Variants in RAB31 observed in about 807,000 individuals in gnomAD.
The protein encoded by RAB31 is RAB31, member RAS oncogene family.
In RAB31, 21 loss-of-function variants were observed where a neutral mutation model predicts 25.6. The observed-to-expected ratio is 0.82, with a 90% CI of 0.58 to 1.18. The LOEUF is 1.18. Ranked by LOEUF, RAB31 falls within the 50% of genes most tolerant of loss-of-function variation. RAB31 has a pLI of 0.00. For synonymous variants in RAB31, 87 were observed against 84.0 expected, an observed-to-expected ratio of 1.04 and a Z score of -0.20; for missense variants, 196 against 250.1, an observed-to-expected ratio of 0.78 and a Z score of 1.46.
At chr18:9,833,041 G>A (rs915796632) in intron 5 of RAB31, among the ~76,000 whole-genome samples, 8 of 152,100 alleles carry the variant, frequency 5.3e-5, no homozygotes, top group Non-Finnish European at 2.9e-5. Flanking sequence ...CAGAGACTTC[G>A]AAAGGTGCAC....
At chr18:9,848,229 TCTGTCCATCTGTCCACTTGG>T (rs1352368578) in intron 6 of RAB31, among the ~76,000 whole-genome samples, 6 of 152,210 alleles carry the variant, frequency 3.9e-5, no homozygotes, top group Non-Finnish European at 8.8e-5. Context: ...CCTCCATCTG[TCTGTCCATCTGTCCACTTGG>T]CTGTCTATCT....
At chr18:9,717,927 G>A (rs1484454391) in intron 1 of RAB31, among the ~76,000 whole-genome samples, 3 of 151,934 alleles carry the variant, frequency 2.0e-5, no homozygotes, top group South Asian at 2.1e-4. Context: ...TTTTGAGACC[G>A]GGTCTTGCCC....
intron 6 of RAB31, among the ~76,000 whole-genome samples, chr18:9,858,756 A>C (rs1164732318): frequency 6.6e-6 from 1 of 152,248 alleles, no homozygotes; most frequent in Admixed American, 6.5e-5. Context: ...TGACACTGCT[A>C]GGAAGATTAC....
chr18:9,791,725 C>T (rs1320839250), intron 2 of RAB31, among the ~76,000 whole-genome samples: 1 of 152,186 alleles, frequency 6.6e-6, no homozygotes, highest in African/African-American at 2.4e-5. Context: ...TCCCAAGTAG[C>T]TGGGACCGCA....
chr18:9,857,640 T>TATAG (rs369031976), intron 6 of RAB31, among the ~76,000 whole-genome samples: 24,608 of 127,752 alleles, frequency 0.19, 3,106 homozygotes, highest in Non-Finnish European at 0.23. Flanking sequence ...TAGCCAATAA[T>TATAG]ATAGATAGAT....
intron 1 of RAB31, among the ~76,000 whole-genome samples, chr18:9,711,560 G>A (rs2068017394): frequency 6.6e-6 from 1 of 152,156 alleles, no homozygotes; most frequent in Admixed American, 6.5e-5. Context: ...TATTTTTGTA[G>A]AGATGGGGTC....
At chr18:9,739,478 A>C (rs1050243596) in intron 1 of RAB31, among the ~76,000 whole-genome samples, 1 of 152,204 alleles carries the variant, frequency 6.6e-6, no homozygotes, top group African/African-American at 2.4e-5. Flanking sequence ...TCTCAAAAAA[A>C]AGAATTTGTA....
intron 1 of RAB31, among the ~76,000 whole-genome samples, chr18:9,762,053 C>T (rs1437126633): frequency 6.6e-6 from 1 of 152,150 alleles, no homozygotes; most frequent in East Asian, 1.9e-4. Flanking sequence ...GGTGATCCAC[C>T]TGCCTCGGCC....
intron 6 of RAB31, among the ~76,000 whole-genome samples, chr18:9,858,239 G>C (rs555432409): frequency 6.6e-6 from 1 of 152,134 alleles, no homozygotes; most frequent in Non-Finnish European, 1.5e-5. Flanking sequence ...TCAAGTTCTC[G>C]AGTCACAGTG....
At chr18:9,792,709 C>T (rs2068467172) in intron 3 of RAB31, among the ~76,000 whole-genome samples, 1 of 152,162 alleles carries the variant, frequency 6.6e-6, no homozygotes, top group Admixed American at 6.5e-5. Context: ...GCCCCATGCC[C>T]ACTCCTGAAC....
chr18:9,829,773 T>G (rs2068668077), intron 5 of RAB31, among the ~76,000 whole-genome samples: 1 of 152,202 alleles, frequency 6.6e-6, no homozygotes, highest in Admixed American at 6.5e-5. Flanking sequence ...TATAAAGTTG[T>G]CATCTTTTTA....
In RAB31 at chr18:9,851,176, C is replaced by T. The variant is rs568732052; in HGVS notation, c.490+5485C>T. Among the ~76,000 whole-genome samples the T allele has an allele frequency of 2.1e-3, 314 of 151,442 alleles. 2 individuals are homozygous for T. The highest frequency in any genetic ancestry group is 4.8e-3 in the Admixed American group (73 of 15,242). ...AAAGGACAAAGACAAAGTTTGTCCA[C>T]TTTCTCACCCCAAAAAAAGTTAATT... On this transcript the variant is annotated intron_variant, in intron 6 of 6. Coordinates refer to ENST00000578921, the MANE Select transcript of RAB31 (RefSeq NM_006868.4).
intron 5 of RAB31, among the ~76,000 whole-genome samples, chr18:9,832,206 GCAGCCAGCACCC>G (rs1193321260): frequency 6.6e-6 from 1 of 152,220 alleles, no homozygotes; most frequent in Non-Finnish European, 1.5e-5. Context: ...GGGCCAAGAT[GCAGCCAGCACCC>G]CAGGCCGGTG....
chr18:9,768,562 G>A (rs551168568), intron 1 of RAB31, among the ~76,000 whole-genome samples: 29 of 151,612 alleles, frequency 1.9e-4, no homozygotes, highest in African/African-American at 6.5e-4. Flanking sequence ...TTTCTTGTAC[G>A]TTTGTTTAAG....
At chr18:9,835,772 A>T (rs2143116239) in intron 5 of RAB31, among the ~76,000 whole-genome samples, 1 of 152,258 alleles carries the variant, frequency 6.6e-6, no homozygotes, top group East Asian at 1.9e-4. Flanking sequence ...CTCACAGGTA[A>T]AAATCCAAGT....
chr18:9,810,681 C>G (rs191734209), intron 3 of RAB31, among the ~76,000 whole-genome samples: 1 of 152,160 alleles, frequency 6.6e-6, no homozygotes, highest in East Asian at 1.9e-4. Context: ...TGCCAGTGAC[C>G]GTTTTAGATT....
chr18:9,771,609 G>C (rs1340689404), intron 1 of RAB31, among the ~76,000 whole-genome samples: 1 of 152,186 alleles, frequency 6.6e-6, no homozygotes, highest in East Asian at 1.9e-4. Flanking sequence ...TCCCAGCGCG[G>C]AGTGACTCCT....
chr18:9,800,794 T>A (rs1022874961), intron 3 of RAB31, among the ~76,000 whole-genome samples: 4 of 152,230 alleles, frequency 2.6e-5, no homozygotes, highest in Non-Finnish European at 5.9e-5. Flanking sequence ...CCCTTTTTTT[T>A]TATTTAAAAA....
intron 5 of RAB31, among the ~76,000 whole-genome samples, chr18:9,825,497 T>C (rs2068645346): frequency 6.6e-6 from 1 of 152,208 alleles, no homozygotes; most frequent in Non-Finnish European, 1.5e-5. Flanking sequence ...CAAGAAACCA[T>C]AGTGCACTTG....
Sources: allele counts gnomAD v4.1 joint callset (sites outside exome capture counted in the v4.1 genomes callset), GRCh38; gene constraint gnomAD v4.1.1; transcripts MANE v1.5; gene names NCBI Gene and HGNC (gene_info 2026-07-23, HGNC 2026-07-21).